The following ALDH1L1 variants were observed in gnomAD, a reference collection of about 807,000 sequenced individuals.
ALDH1L1 encodes aldehyde dehydrogenase 1 family member L1, also known as cytosolic 10-formyltetrahydrofolate dehydrogenase.
In ALDH1L1, 68 loss-of-function variants were observed where a neutral mutation model predicts 101.1. That is an observed-to-expected ratio of 0.67 (90% CI 0.55 to 0.82). ALDH1L1 has a LOEUF of 0.82. ALDH1L1 is among the 40% of genes least tolerant of loss of function. ALDH1L1 has a pLI of 0.00. For synonymous variants in ALDH1L1, 486 were observed against 470.8 expected (o/e 1.03, Z -0.42); for missense variants, 1,087 against 1,172.7 (o/e 0.93, Z 1.07).
intron 1 of ALDH1L1, among the ~76,000 whole-genome samples, chr3:126,189,122 A>G (rs988820868): frequency 1.3e-5 from 2 of 152,232 alleles, no homozygotes; most frequent in Admixed American, 1.3e-4. Context: ...GACCACAAAT[A>G]CAATTTAAAT....
chr3:126,136,470 T>G (rs1293340561), intron 11 of ALDH1L1, among the ~76,000 whole-genome samples: 8 of 152,066 alleles, frequency 5.3e-5, no homozygotes, highest in Non-Finnish European at 1.2e-4. Context: ...AGTGTGCAAG[T>G]GTGGCAGTGG....
intron 1 of ALDH1L1, among the ~76,000 whole-genome samples, chr3:126,195,870 C>A (rs1426398388): frequency 6.6e-6 from 1 of 152,214 alleles, no homozygotes; most frequent in African/African-American, 2.4e-5. Context: ...GGACAAAAAA[C>A]CAAACACCGC....
At chr3:126,150,085 T>C (rs1380801203) in intron 8 of ALDH1L1, among the ~76,000 whole-genome samples, 1 of 152,198 alleles carries the variant, frequency 6.6e-6, no homozygotes, top group Non-Finnish European at 1.5e-5. Context: ...GTGCTCACAT[T>C]CTAATCACAG....
In ALDH1L1 at chr3:126,160,866, C is replaced by CT; in HGVS notation, c.113dup (p.Ala39GlyfsTer9). The CT allele has an allele frequency of 6.2e-7, 1 of 1,614,140 alleles. No individual in the cohort carries two copies. The highest frequency in any genetic ancestry group is 8.5e-7 in the Non-Finnish European group (1 of 1,179,970). ...TGGCTCACTCACCCAGGGGGTCGGC[C>CT]TTTCCATCCTTGTCTGGAACAGTGA... is the stretch of plus-strand genomic sequence containing the variant. On this transcript the variant is annotated frameshift_variant, in exon 2 of 23. Transcript: ENST00000393434. LOFTEE classifies it high-confidence loss of function.
intron 1 of ALDH1L1, among the ~76,000 whole-genome samples, chr3:126,162,153 A>G (rs975404312): frequency 1.3e-5 from 2 of 152,192 alleles, no homozygotes; most frequent in Non-Finnish European, 2.9e-5. Context: ...TAAAGGTATT[A>G]CAAATAGGAT....
At chr3:126,116,830 G>C (rs930690809) in intron 17 of ALDH1L1, among the ~76,000 whole-genome samples, 1 of 152,132 alleles carries the variant, frequency 6.6e-6, no homozygotes, top group African/African-American at 2.4e-5. Flanking sequence ...TGGAACTGGT[G>C]GGGGACCCAA....
At chr3:126,106,316 G>T (rs762270199) in intron 21 of ALDH1L1, among the ~76,000 whole-genome samples, 1 of 152,236 alleles carries the variant, frequency 6.6e-6, no homozygotes, top group African/African-American at 2.4e-5. Flanking sequence ...TGGCAGTGAA[G>T]TCTCTTATTC....
At chr3:126,144,334 A>AT (rs1349136916) in intron 9 of ALDH1L1, among the ~76,000 whole-genome samples, 7 of 152,208 alleles carry the variant, frequency 4.6e-5, no homozygotes, top group Non-Finnish European at 1.0e-4. Context: ...ATCCCAAGTG[A>AT]TTTTTTGCAG....
chr3:126,162,138 C>T (rs2081071406), intron 1 of ALDH1L1, among the ~76,000 whole-genome samples: 1 of 152,042 alleles, frequency 6.6e-6, no homozygotes, highest in African/African-American at 2.4e-5. Context: ...GGGTAGTTAC[C>T]AGTTTAAAGG....
chr3:126,140,479 G>C (rs2080545269), intron 9 of ALDH1L1, among the ~76,000 whole-genome samples: 1 of 151,994 alleles, frequency 6.6e-6, no homozygotes, highest in Non-Finnish European at 1.5e-5. Context: ...CACAGGTAAA[G>C]GCCACTACAT....
upstream of ALDH1L1, among the ~76,000 whole-genome samples, chr3:126,184,400 T>A (rs992445729): frequency 6.6e-6 from 1 of 152,150 alleles, no homozygotes; most frequent in Non-Finnish European, 1.5e-5. Context: ...ATGCAACTAT[T>A]TATATGTGTG....
At position 126,114,673 on chromosome 3, in the gene ALDH1L1, G is replaced by A. The variant is rs773264855; in HGVS notation, c.1983-17C>T. The stretch of plus-strand genomic sequence containing the variant: ...ATGGCACAGCTGCAAGGAACAGAGG[G>A]CTGGTGGGGCCGGTCCCTCCAGGGC... On this transcript the variant is annotated splice_polypyrimidine_tract_variant and intron_variant, in intron 17 of 22. Coordinates refer to ENST00000393434, the MANE Select transcript of ALDH1L1 (RefSeq NM_012190.4). 3.9e-6 allele frequency: 6 copies of A among 1,546,000 alleles called. No individual in the cohort carries two copies. The highest frequency in any genetic ancestry group is 1.7e-6 in the Non-Finnish European group (2 of 1,144,458).
intron 14 of ALDH1L1, among the ~76,000 whole-genome samples, chr3:126,127,114 T>C (rs1338558214): frequency 1.3e-5 from 2 of 152,120 alleles, no homozygotes; most frequent in Non-Finnish European, 2.9e-5. Flanking sequence ...GAGTTTCCAT[T>C]GATTAGGCCC....
chr3:126,164,096 A>G (rs1576481540), intron 1 of ALDH1L1, among the ~76,000 whole-genome samples: 1 of 151,674 alleles, frequency 6.6e-6, no homozygotes, highest in Non-Finnish European at 1.5e-5. Context: ...CTACCACTGC[A>G]CTCCAGCCTG....
intron 9 of ALDH1L1, among the ~76,000 whole-genome samples, chr3:126,140,135 CA>C (rs2080540464): frequency 6.6e-6 from 1 of 152,046 alleles, no homozygotes; most frequent in Non-Finnish European, 1.5e-5. Context: ...AATTCAGAGA[CA>C]AATAAATAAT....
chr3:126,127,650 C>T (rs972221691), intron 14 of ALDH1L1, among the ~76,000 whole-genome samples: 2 of 152,158 alleles, frequency 1.3e-5, no homozygotes, highest in African/African-American at 4.8e-5. Flanking sequence ...GGGCTCCCCA[C>T]GAGGCAGCTG....
chr3:126,147,046 G>A (rs1011959421), intron 8 of ALDH1L1, 120 bp from the exon 9 acceptor site: 1 of 885,364 alleles, frequency 1.1e-6, no homozygotes, highest in East Asian at 2.7e-5. Context: ...GCTTCTCTAT[G>A]TACCTCCAAG....
chr3:126,108,415 T>G (rs1168287787), intron 20 of ALDH1L1, among the ~76,000 whole-genome samples: 1 of 152,208 alleles, frequency 6.6e-6, no homozygotes, highest in East Asian at 1.9e-4. Context: ...GCTCTACCCC[T>G]TGCTGGCTCC....
At chr3:126,105,298 G>C (rs1945826117) in intron 22 of ALDH1L1, 1 of 297,360 alleles carries the variant, frequency 3.4e-6, no homozygotes, top group African/African-American at 2.2e-5. Context: ...CCTCCCTCCT[G>C]CTCCCCCTTG....
Sources: gnomAD v4.1 joint callset for allele counts (sites outside exome capture counted in the v4.1 genomes callset) on GRCh38, gnomAD v4.1.1 for gene constraint, MANE v1.5 for transcripts, NCBI Gene and HGNC (gene_info 2026-07-23, HGNC 2026-07-21) for gene names.